Variants in SCFD1 observed in about 807,000 individuals in gnomAD.
SCFD1 encodes sec1 family domain-containing protein 1.
In SCFD1, 37 loss-of-function variants were observed where a neutral mutation model predicts 103.2. That is an observed-to-expected ratio of 0.36 (90% CI 0.28 to 0.47). The LOEUF is 0.47. SCFD1 is among the 20% of genes least tolerant of loss of function. The pLI is 1.00. For missense variants in SCFD1, 639 were observed against 761.2 expected (o/e 0.84, Z 1.89); for synonymous variants, 264 against 245.0 (o/e 1.08, Z -0.73).
At chr14:30,705,264 G>T (rs895840587) in intron 17 of SCFD1, among the ~76,000 whole-genome samples, 2 of 152,188 alleles carry the variant, frequency 1.3e-5, no homozygotes, top group Non-Finnish European at 2.9e-5. Context: ...ATTGAAGAAG[G>T]TAGTGAATTT....
At position 30,711,448 on chromosome 14, in the gene SCFD1, C is replaced by CA. The variant is rs574326723; in HGVS notation, c.1629+3389dup. 2.5e-3 allele frequency among the ~76,000 whole-genome samples: 384 copies of CA among 152,182 alleles called. 2 individuals are homozygous for CA. Among genetic ancestry groups the CA allele is most frequent in the African/African-American group, 9.0e-3 (372 of 41,518 alleles). ...CATGGCAAAAGTCCATCTATCTCTA[C>CA]AAAAAATACAAAAAAATTAGCTGGG... On this transcript the variant is annotated intron_variant, in intron 19 of 24. Coordinates refer to ENST00000458591, the MANE Select transcript of SCFD1 (RefSeq NM_016106.4).
At chr14:30,651,938 A>T (rs1467435471) in intron 9 of SCFD1, among the ~76,000 whole-genome samples, 5 of 152,134 alleles carry the variant, frequency 3.3e-5, no homozygotes, top group African/African-American at 1.2e-4. Flanking sequence ...ACATTGTAGG[A>T]TGCTGCTAAA....
intron 10 of SCFD1, among the ~76,000 whole-genome samples, chr14:30,665,136 C>T (rs1427137761): frequency 2.0e-5 from 3 of 152,172 alleles, no homozygotes; most frequent in Non-Finnish European, 4.4e-5. Context: ...TAAGGGCAGC[C>T]AGAGAGAAAG....
intron 1 of SCFD1, among the ~76,000 whole-genome samples, chr14:30,624,749 TGATCTTACAGTGTTCTACAA>T (rs1360423345): frequency 6.6e-6 from 1 of 152,206 alleles, no homozygotes; most frequent in African/African-American, 2.4e-5. Context: ...AAAGCCAAAG[TGATCTTACAGTGTTCTACAA>T]GGCTTTATAC....
At chr14:30,636,003 T>C (rs1884684796) in intron 4 of SCFD1, among the ~76,000 whole-genome samples, 1 of 152,130 alleles carries the variant, frequency 6.6e-6, no homozygotes, top group Admixed American at 6.5e-5. Flanking sequence ...CTGTAATTAA[T>C]GATATTAAGC....
In SCFD1 at chr14:30,735,806, C is replaced by T. The variant is rs1893803058; in HGVS notation, c.*197C>T. On this transcript the variant is annotated 3_prime_UTR_variant, in exon 25 of 25. Coordinates refer to ENST00000458591, the MANE Select transcript of SCFD1 (RefSeq NM_016106.4). ...AAACATTTCAGAAATAAAATTTCAA[C>T]ATTGTTCATTTTCTCTGATAAATCA... 1.1e-5 allele frequency: 5 copies of T among 450,844 alleles called. No individual in the cohort carries two copies. The highest frequency in any genetic ancestry group is 2.0e-5 in the Non-Finnish European group (5 of 252,372). 27.9% of individuals were successfully genotyped at this position (450,844 alleles called of 1,614,324 possible).
intron 23 of SCFD1, among the ~76,000 whole-genome samples, chr14:30,729,758 T>A (rs1412385591): frequency 6.6e-6 from 1 of 152,246 alleles, no homozygotes; most frequent in Non-Finnish European, 1.5e-5. Context: ...ATCTTAATGT[T>A]AATTAAGGCT....
intron 19 of SCFD1, among the ~76,000 whole-genome samples, chr14:30,712,777 T>C (rs1439424880): frequency 6.6e-6 from 1 of 152,210 alleles, no homozygotes. Flanking sequence ...ATAATGGCTT[T>C]CTAATAAAAA....
intron 14 of SCFD1, among the ~76,000 whole-genome samples, chr14:30,680,196 C>T (rs1467676000): frequency 6.6e-6 from 1 of 152,134 alleles, no homozygotes; most frequent in Non-Finnish European, 1.5e-5. Flanking sequence ...TTTAGCAAGA[C>T]CTAGTTTAAT....
rs754514002 is a variant in SCFD1 at position 30,649,593 on chromosome 14, T to C, written c.669+10T>C. 1.3e-5 allele frequency: 20 copies of C among 1,565,736 alleles called. No individual in the cohort carries two copies. Among genetic ancestry groups the C allele is most frequent in the Admixed American group, 2.1e-5 (1 of 48,670 alleles). ...AGAAATGGTAGCAGTGGTAAGTTCA[T>C]GCGGATATCACGTGGAGATAAATAA... On this transcript the variant is annotated intron_variant, in intron 8 of 24. Coordinates refer to ENST00000458591, the MANE Select transcript of SCFD1 (RefSeq NM_016106.4).
chr14:30,690,359 G>A (rs1890165173), intron 14 of SCFD1, among the ~76,000 whole-genome samples: 2 of 80,338 alleles, frequency 2.5e-5, no homozygotes, highest in Admixed American at 1.4e-4. Context: ...CTTCCTGGCT[G>A]CTTTGTTTAC....
rs59249611 is a variant in SCFD1, at chr14:30,695,970, C to T, written c.1339+1101C>T. ...TTAATTATAAAGATTGTGGGATCTA[C>T]ATAGAGTCTTAGTCTCTGAAATTCC... On this transcript the variant is annotated intron_variant, in intron 15 of 24. Coordinates refer to ENST00000458591, the MANE Select transcript of SCFD1 (RefSeq NM_016106.4). Among the ~76,000 whole-genome samples, 542 of 152,240 alleles carry T rather than the reference C, an allele frequency of 3.6e-3. 23 individuals carry two copies. In the East Asian group the frequency reaches 0.096, roughly 27 times the overall value.
At chr14:30,661,789 A>G (rs941896985) in intron 10 of SCFD1, among the ~76,000 whole-genome samples, 2 of 152,136 alleles carry the variant, frequency 1.3e-5, no homozygotes, top group South Asian at 4.1e-4. Context: ...AGTCTTTAAC[A>G]TTTTCTCTTG....
chr14:30,625,201 G>C (rs926079382), intron 1 of SCFD1, among the ~76,000 whole-genome samples: 3 of 150,898 alleles, frequency 2.0e-5, no homozygotes, highest in Non-Finnish European at 2.9e-5. Flanking sequence ...CCTGTGGTGA[G>C]CACTCATCAA....
At chr14:30,678,160 A>T (rs1374787571) in intron 14 of SCFD1, among the ~76,000 whole-genome samples, 1 of 152,058 alleles carries the variant, frequency 6.6e-6, no homozygotes, top group Non-Finnish European at 1.5e-5. Context: ...TACTAGCTAG[A>T]AGATTGTGTC....
chr14:30,714,935 C>T (rs1875578643), intron 19 of SCFD1, among the ~76,000 whole-genome samples: 1 of 152,168 alleles, frequency 6.6e-6, no homozygotes, highest in African/African-American at 2.4e-5. Flanking sequence ...AATAATAAAA[C>T]TTGTCAGACT....
intron 10 of SCFD1, among the ~76,000 whole-genome samples, chr14:30,660,380 C>A (rs1371132025): frequency 6.6e-6 from 1 of 152,096 alleles, no homozygotes; most frequent in Non-Finnish European, 1.5e-5. Flanking sequence ...TCTTTAGTTT[C>A]TGTTTTATTA....
intron 1 of SCFD1, 123 bp downstream of exon 1, chr14:30,622,522 G>A (rs1007210667): frequency 1.4e-6 from 2 of 1,415,038 alleles, no homozygotes; most frequent in Admixed American, 2.8e-5. Context: ...AACATCAAGA[G>A]CCCCTCCCCT....
intron 10 of SCFD1, among the ~76,000 whole-genome samples, chr14:30,661,713 A>T (rs909004779): frequency 6.6e-6 from 1 of 152,216 alleles, no homozygotes; most frequent in Non-Finnish European, 1.5e-5. Flanking sequence ...TGTTGAACAG[A>T]AACTGGTTTT....
Sources: allele counts gnomAD v4.1 joint callset (sites outside exome capture counted in the v4.1 genomes callset), GRCh38; gene constraint gnomAD v4.1.1; transcripts MANE v1.5; gene names NCBI Gene and HGNC (gene_info 2026-07-23, HGNC 2026-07-21).